Variants in SRGAP2C observed in about 807,000 individuals in gnomAD.
The protein encoded by SRGAP2C is SLIT-ROBO Rho GTPase activating protein 2C.
SRGAP2C carries 15 observed loss-of-function variants against 25.1 expected under a neutral mutation model. That is an observed-to-expected ratio of 0.60 (90% CI 0.40 to 0.92). SRGAP2C has a LOEUF of 0.92. SRGAP2C is among the 40% of genes least tolerant of loss of function. The pLI, the probability that SRGAP2C is intolerant of heterozygous loss-of-function variation, is 0.00. For synonymous variants in SRGAP2C, 44 were observed against 96.6 expected (o/e 0.46, Z 3.19); for missense variants, 144 against 264.4 (o/e 0.54, Z 3.16).
rs1467827582 is a variant in SRGAP2C at position 121,284,929 on chromosome 1, G to A, written c.194G>A (p.Arg65His). ...KKAEIEMDYS[R>H]NLEKLAEHFL... Reference sequence around the variant, plus strand: ...GCAGAGATTGAGATGGACTACTCCCGCAACCTGGAGAAGCTGGCAGAACAC... The same window carrying A: ...GCAGAGATTGAGATGGACTACTCCCACAACCTGGAGAAGCTGGCAGAACAC... The change falls in exon 3 of 10, where the codon CGC becomes CAC. Residue 65 changes from arginine to histidine, a missense_variant. Arg to His is a conservative substitution (Grantham distance 29). Around this residue, in one of 5 missense-constraint regions of SRGAP2C, gnomAD observed 61 missense variants for 61.7 expected, o/e 0.99. Coordinates refer to ENST00000367123, the MANE Select transcript of SRGAP2C (RefSeq NM_001329984.2). The A allele has an allele frequency of 9.1e-5, 141 of 1,546,620 alleles. 1 individual carries two copies. The highest frequency in any genetic ancestry group is 7.7e-5 in the Non-Finnish European group (88 of 1,144,904).
chr1:121,370,894 T>A (rs1487490088), intron 5 of SRGAP2C, among the ~76,000 whole-genome samples: 1 of 150,954 alleles, frequency 6.6e-6, no homozygotes, highest in Non-Finnish European at 1.5e-5. Context: ...AGTTACTGCT[T>A]GCCTACCTGC....
At chr1:121,357,730 G>T (rs1236516832) in intron 4 of SRGAP2C, among the ~76,000 whole-genome samples, 3 of 98,240 alleles carry the variant, frequency 3.1e-5, no homozygotes, top group Non-Finnish European at 6.0e-5. Context: ...CAGGACCTTC[G>T]CAATTCCACA....
At chr1:121,375,979 T>C (rs1659635746) in intron 7 of SRGAP2C, among the ~76,000 whole-genome samples, 1 of 150,510 alleles carries the variant, frequency 6.6e-6, no homozygotes, top group Admixed American at 6.6e-5. Context: ...GCACATGTGT[T>C]TTGCAAGGGG....
chr1:121,384,796 C>A (rs1351091078), intron 8 of SRGAP2C, among the ~76,000 whole-genome samples: 2 of 152,022 alleles, frequency 1.3e-5, no homozygotes, highest in Non-Finnish European at 2.9e-5. Flanking sequence ...TATTACCTTG[C>A]ACCCTGGTAG....
At chr1:121,287,432 TA>T (rs1454466700) in intron 3 of SRGAP2C, among the ~76,000 whole-genome samples, 2 of 127,802 alleles carry the variant, frequency 1.6e-5, no homozygotes, top group East Asian at 2.3e-4. Context: ...AATCATCTGA[TA>T]AAAAAATGTT....
intron 3 of SRGAP2C, among the ~76,000 whole-genome samples, chr1:121,321,867 G>C (rs1553341165): frequency 4.0e-4 from 61 of 152,308 alleles, no homozygotes; most frequent in African/African-American, 1.4e-3. Flanking sequence ...GTGTTAGGTT[G>C]ATTTTGCCTC....
intron 2 of SRGAP2C, among the ~76,000 whole-genome samples, chr1:121,208,759 T>C (rs1429215684): frequency 1.3e-5 from 2 of 152,114 alleles, no homozygotes; most frequent in East Asian, 3.9e-4. Flanking sequence ...TAGCATATAA[T>C]AAATGTGTAT....
chr1:121,235,584 A>G, intron 2 of SRGAP2C, among the ~76,000 whole-genome samples: 1 of 44,128 alleles, frequency 2.3e-5, no homozygotes, highest in South Asian at 5.5e-4. Context: ...AGCCTTGCCT[A>G]AACCCTAAGC....
chr1:121,264,565 T>C (rs1263367569), intron 2 of SRGAP2C, among the ~76,000 whole-genome samples: 1 of 136,838 alleles, frequency 7.3e-6, no homozygotes, highest in Non-Finnish European at 1.6e-5. Flanking sequence ...TTATTTCGGT[T>C]CCTTGCATGC....
intron 8 of SRGAP2C, among the ~76,000 whole-genome samples, chr1:121,384,924 C>T (rs1659925570): frequency 1.3e-5 from 2 of 152,218 alleles, no homozygotes; most frequent in African/African-American, 2.4e-5. Flanking sequence ...TGCCAGGGCC[C>T]TCCCTTTATG....
chr1:121,301,057 C>CA, intron 3 of SRGAP2C, among the ~76,000 whole-genome samples: 1 of 74,914 alleles, frequency 1.3e-5, no homozygotes, highest in Non-Finnish European at 2.6e-5. Context: ...AAAACAACAA[C>CA]AAAAAACAGA....
intron 3 of SRGAP2C, among the ~76,000 whole-genome samples, chr1:121,320,973 T>C (rs1658191480): frequency 1.3e-5 from 2 of 152,308 alleles, no homozygotes; most frequent in African/African-American, 2.4e-5. Context: ...TGTCAAGTTA[T>C]AGGCTCACCT....
Position 121,284,929 on chromosome 1 carries a change from G to T in SRGAP2C, c.194G>T (p.Arg65Leu). The T allele has an allele frequency of 1.3e-6, 2 of 1,546,740 alleles. No homozygotes were observed. The highest frequency in any genetic ancestry group is 1.2e-5 in the South Asian group (1 of 83,868). Residue 65 changes from arginine (R) to leucine (L), a missense_variant, in exon 3 of 10, where the codon CGC becomes CTC. By Grantham distance (102) the Arg-to-Leu change is moderately radical. This residue lies in a region of SRGAP2C where 61 missense variants were observed against 61.7 expected (regional missense o/e 0.99). Coordinates refer to ENST00000367123, the MANE Select transcript of SRGAP2C (RefSeq NM_001329984.2). Reference sequence around the variant, plus strand: ...GCAGAGATTGAGATGGACTACTCCCGCAACCTGGAGAAGCTGGCAGAACAC... The same window carrying T: ...GCAGAGATTGAGATGGACTACTCCCTCAACCTGGAGAAGCTGGCAGAACAC... ...KKAEIEMDYS[R>L]NLEKLAEHFL...
Position 121,384,866 on chromosome 1 carries a change from T to C in SRGAP2C, c.1057-1640T>C, listed in dbSNP as rs1659923928. Among the ~76,000 whole-genome samples, 4 of 152,308 alleles carry C rather than the reference T, an allele frequency of 2.6e-5. No individual in the cohort carries two copies. The South Asian group carries it at 8.3e-4, about 32-fold the overall frequency. ...CTGCTACTTCTTAAAGGAACAGGCTTGGAGGTGGTTTTTCCCTCCATGATT... is the reference window on the plus strand; with the variant it reads ...CTGCTACTTCTTAAAGGAACAGGCTCGGAGGTGGTTTTTCCCTCCATGATT... On this transcript the variant is annotated intron_variant, in intron 8 of 9. Transcript: ENST00000367123.
At chr1:121,323,385 G>T (rs1658250566) in intron 3 of SRGAP2C, among the ~76,000 whole-genome samples, 1 of 152,066 alleles carries the variant, frequency 6.6e-6, no homozygotes, top group Admixed American at 6.6e-5. Context: ...GGAGGCCAAG[G>T]TGGGTGGATC....
chr1:121,283,867 T>C lies in SRGAP2C; in HGVS notation c.68-936T>C, dbSNP rs1286977686. Among the ~76,000 whole-genome samples the C allele has an allele frequency of 3.3e-5, 5 of 150,418 alleles. 1 individual carries two copies. The highest frequency in any genetic ancestry group is 7.4e-5 in the Non-Finnish European group (5 of 67,418). ...TGTCAGTAACAAATGCAGTGCTGCATTTGAGGCAAATCTGTTTGCATCTAT... is the reference window on the plus strand; with the variant it reads ...TGTCAGTAACAAATGCAGTGCTGCACTTGAGGCAAATCTGTTTGCATCTAT... On this transcript the variant is annotated intron_variant, in intron 2 of 9. Transcript: ENST00000367123.
intron 2 of SRGAP2C, among the ~76,000 whole-genome samples, chr1:121,207,529 AGGT>A (rs1655145561): frequency 6.6e-6 from 1 of 152,126 alleles, no homozygotes. Context: ...AAACATGACT[AGGT>A]GGTGCTGGTG....
chr1:121,374,701 A>T (rs587614273), intron 6 of SRGAP2C, 125 bp from the exon 7 acceptor site: 1 of 617,280 alleles, frequency 1.6e-6, no homozygotes, highest in Non-Finnish European at 2.9e-6. Flanking sequence ...AACCCAATTT[A>T]AGGCAGATGC....
intron 4 of SRGAP2C, chr1:121,361,365 C>T (rs1553348521): frequency 6.9e-6 from 1 of 144,136 alleles, no homozygotes; most frequent in African/African-American, 2.6e-5. Flanking sequence ...AGTGACCAGA[C>T]CAGTGGCCAG....
Sources: allele counts gnomAD v4.1 joint callset (sites outside exome capture counted in the v4.1 genomes callset), GRCh38; gene constraint gnomAD v4.1.1; regional missense constraint gnomAD v4.1.1; transcripts MANE v1.5; gene names NCBI Gene and HGNC (gene_info 2026-07-23, HGNC 2026-07-21).